Variants in CCDC171 observed in about 807,000 individuals in gnomAD.
The protein encoded by CCDC171 is coiled-coil domain containing 171, also known as coiled-coil domain-containing protein 171.
In CCDC171, 177 loss-of-function variants were observed where a neutral mutation model predicts 168.2. That is an observed-to-expected ratio of 1.05 (90% CI 0.93 to 1.19). The LOEUF (loss-of-function observed/expected upper bound fraction) is 1.19, where lower values mean the gene tolerates loss of function less well. CCDC171 is among the 50% of genes most tolerant of loss of function. The pLI, the probability that CCDC171 is intolerant of heterozygous loss-of-function variation, is 0.00. For synonymous variants in CCDC171, 687 were observed against 540.8 expected (o/e 1.27, Z -3.75); for missense variants, 1,991 against 1,539.0 (o/e 1.29, Z -4.91).
intron 21 of CCDC171, among the ~76,000 whole-genome samples, chr9:15,807,484 T>G (rs1388769790): frequency 6.6e-6 from 1 of 152,178 alleles, no homozygotes; most frequent in Admixed American, 6.5e-5. Flanking sequence ...CAGGGATGGT[T>G]AAGCCTTACT....
chr9:15,805,171 T>C (rs567432478), intron 21 of CCDC171, among the ~76,000 whole-genome samples: 2 of 151,908 alleles, frequency 1.3e-5, no homozygotes, highest in Admixed American at 1.3e-4. Context: ...TAGTCTGTTT[T>C]ATTAAGTTTT....
chr9:15,969,485 A>T (rs1456739033), intron 25 of CCDC171, among the ~76,000 whole-genome samples: 2 of 152,184 alleles, frequency 1.3e-5, no homozygotes, highest in Admixed American at 6.5e-5. Context: ...TGGCATAGTT[A>T]CCTTTCTCTA....
intron 18 of CCDC171, among the ~76,000 whole-genome samples, chr9:15,769,736 C>G (rs1047709671): frequency 1.3e-5 from 2 of 152,196 alleles, no homozygotes; most frequent in Non-Finnish European, 2.9e-5. Flanking sequence ...GAAAGGACAA[C>G]TCTGCATTTA....
the CCDC171 span, among the ~76,000 whole-genome samples, chr9:16,069,091 G>A: frequency 2.0e-5 from 3 of 152,202 alleles, no homozygotes; most frequent in African/African-American, 7.2e-5. Context: ...CCTGCCCCAT[G>A]TAAGTGACTT....
intron 6 of CCDC171, among the ~76,000 whole-genome samples, chr9:15,607,137 C>T (rs1323454543): frequency 6.6e-6 from 1 of 151,988 alleles, no homozygotes; most frequent in Non-Finnish European, 1.5e-5. Flanking sequence ...AACATACAAC[C>T]CCCCCAGGGA....
intron 3 of CCDC171, among the ~76,000 whole-genome samples, chr9:15,573,774 C>G (rs955900694): frequency 6.6e-6 from 1 of 152,058 alleles, no homozygotes; most frequent in Admixed American, 6.5e-5. Flanking sequence ...AATAAATTCT[C>G]TCACAGCCAG....
chr9:15,924,892 C>T (rs1354013411), intron 25 of CCDC171, among the ~76,000 whole-genome samples: 2 of 151,554 alleles, frequency 1.3e-5, no homozygotes, highest in South Asian at 2.1e-4. Context: ...CTCCTTTCTT[C>T]TTTAAACACT....
chr9:15,705,091 G>GACACACACACACACAC (rs3082789), intron 11 of CCDC171, among the ~76,000 whole-genome samples: 2,687 of 147,702 alleles, frequency 0.018, 33 homozygotes, highest in Admixed American at 0.024. Context: ...GTATCCTTAC[G>GACACACACACACACAC]ACACACACAC....
At chr9:15,966,289 C>G (rs1830777895) in intron 25 of CCDC171, among the ~76,000 whole-genome samples, 1 of 152,126 alleles carries the variant, frequency 6.6e-6, no homozygotes, top group Admixed American at 6.5e-5. Context: ...ACTCACCCAA[C>G]AAAGAGCAGA....
intron 7 of CCDC171, among the ~76,000 whole-genome samples, chr9:15,642,373 A>ATATC (rs2046707104): frequency 6.1e-5 from 3 of 49,296 alleles, no homozygotes. Context: ...ATATATATAT[A>ATATC]TATATATATA....
chr9:15,628,220 C>A (rs1003987641), intron 7 of CCDC171, among the ~76,000 whole-genome samples: 2 of 152,014 alleles, frequency 1.3e-5, no homozygotes, highest in South Asian at 2.1e-4. Context: ...CGAAGCAGGG[C>A]GAGGCATTGC....
rs1259704714 is a variant in CCDC171 at position 15,695,306 on chromosome 9, C to T, written c.1287C>T (p.Asp429=). ...NNVKELESIL[D]SFTVSGQWTS... ...TGAAAGAATTGGAATCGATCTTGGA[C>T]AGCTTTACTGTGTCGGGCCAGTGGA... Residue 429 remains aspartate, a synonymous_variant, in exon 11 of 26, where the codon GAC becomes GAT. Transcript: ENST00000380701. 6 of 1,614,024 alleles carry T rather than the reference C, an allele frequency of 3.7e-6. No homozygotes were observed. The highest frequency in any genetic ancestry group is 1.6e-4 in the Middle Eastern group (1 of 6,062).
At chr9:15,866,377 T>C (rs1051179407) in intron 23 of CCDC171, among the ~76,000 whole-genome samples, 1 of 151,890 alleles carries the variant, frequency 6.6e-6, no homozygotes, top group African/African-American at 2.4e-5. Context: ...CTCAGAAGGG[T>C]TGAACCAGAA....
chr9:15,595,814 T>C (rs1225384955), intron 6 of CCDC171, among the ~76,000 whole-genome samples: 1 of 152,162 alleles, frequency 6.6e-6, no homozygotes, highest in Non-Finnish European at 1.5e-5. Context: ...ACCTGTTGTT[T>C]CCTGACTTTT....
intron 6 of CCDC171, among the ~76,000 whole-genome samples, chr9:15,608,451 C>T (rs1441739123): frequency 1.3e-5 from 2 of 152,020 alleles, no homozygotes; most frequent in African/African-American, 2.4e-5. Context: ...AGTTTCTCTT[C>T]CTTTACAGCC....
intron 11 of CCDC171, among the ~76,000 whole-genome samples, chr9:15,695,810 A>T (rs2051169472): frequency 6.6e-6 from 1 of 152,176 alleles, no homozygotes; most frequent in Non-Finnish European, 1.5e-5. Flanking sequence ...CTACTACCAT[A>T]TACATATACT....
intron 10 of CCDC171, among the ~76,000 whole-genome samples, chr9:15,685,074 A>C (rs575705730): frequency 6.6e-6 from 1 of 152,328 alleles, no homozygotes; most frequent in South Asian, 2.1e-4. Flanking sequence ...TTATCTTACA[A>C]TTCTTTTAAA....
In CCDC171 at chr9:15,777,740, T is replaced by A. The variant is rs758816282; in HGVS notation, c.2812T>A (p.Ser938Thr). Residue 938 changes from serine (S) to threonine (T), a missense_variant, in exon 19 of 26, where the codon TCC becomes ACC. By Grantham distance (58) the Ser-to-Thr change is moderately conservative. Coordinates refer to ENST00000380701, the MANE Select transcript of CCDC171 (RefSeq NM_173550.4). ...GAGTATTACATATGTAGAAAAAGAT[T>A]CCCTGGTTCAGAGGCTGGCCCATGG... ...SRSITYVEKD[S>T]LVQRLAHGLH... The A allele has an allele frequency of 6.2e-7, 1 of 1,614,016 alleles. No individual in the cohort carries two copies. The highest frequency in any genetic ancestry group is 1.1e-5 in the South Asian group (1 of 91,012).
chr9:15,852,954 C>T (rs2061196708), intron 23 of CCDC171, among the ~76,000 whole-genome samples: 1 of 151,594 alleles, frequency 6.6e-6, no homozygotes, highest in Non-Finnish European at 1.5e-5. Context: ...GTATGTCTCT[C>T]TTCATATCAG....
Sources: allele counts gnomAD v4.1 joint callset (sites outside exome capture counted in the v4.1 genomes callset), GRCh38; gene constraint gnomAD v4.1.1; transcripts MANE v1.5; gene names NCBI Gene and HGNC (gene_info 2026-07-23, HGNC 2026-07-21).